Variants in HFM1 observed in about 807,000 individuals in gnomAD.
HFM1 encodes probable ATP-dependent DNA helicase HFM1.
A neutral mutation model predicts 192.1 loss-of-function variants in HFM1; 169 were observed. That is an observed-to-expected ratio of 0.88 (90% CI 0.78 to 1.00). HFM1 has a LOEUF of 1.00. Among genes scored for constraint, HFM1 ranks in the 50% least tolerant of loss-of-function variants. The probability of loss-of-function intolerance (pLI) is 0.00; values close to 1 mark genes in which losing one functional copy is unlikely to be tolerated. For missense variants in HFM1, 1,661 were observed against 1,668.0 expected (o/e 1.00, Z 0.07); for synonymous variants, 525 against 537.8 (o/e 0.98, Z 0.33).
chr1:91,262,488 G>T lies in HFM1; in HGVS notation c.4079C>A (p.Ala1360Glu), dbSNP rs201393479. ...AGAAGTGCTTCTTCTTACAATAACT[G>T]CATTTCCGGCTTGTTGAGGTAATTT... ...MTKLPQQAGN[A>E]VIVHFQERKP... Residue 1360 changes from alanine (A) to glutamate (E), a missense_variant, in exon 37 of 39, where the codon GCA (alanine) becomes GAA (glutamate). Coordinates refer to ENST00000370425, the MANE Select transcript of HFM1 (RefSeq NM_001017975.6). The T allele has an allele frequency of 1.9e-5, 30 of 1,591,666 alleles. No individual in the cohort carries two copies. The highest frequency in any genetic ancestry group is 2.5e-5 in the Non-Finnish European group (29 of 1,162,186).
At chr1:91,309,881 G>A (rs917868176) in intron 30 of HFM1, among the ~76,000 whole-genome samples, 18 of 151,650 alleles carry the variant, frequency 1.2e-4, no homozygotes, top group Non-Finnish European at 1.5e-5. Flanking sequence ...TCACTCAATG[G>A]CAACGAGCTC....
intron 23 of HFM1, among the ~76,000 whole-genome samples, chr1:91,322,610 T>C (rs114651256): frequency 0.018 from 2,678 of 152,270 alleles, 37 homozygotes; most frequent in Non-Finnish European, 0.029. Context: ...GCCACTACCA[T>C]TCAGTAGACA....
intron 33 of HFM1, among the ~76,000 whole-genome samples, chr1:91,274,194 A>G (rs1666587770): frequency 1.3e-5 from 2 of 152,028 alleles, no homozygotes; most frequent in Admixed American, 1.3e-4. Flanking sequence ...AAGAACAATG[A>G]GTTACCACCT....
intron 30 of HFM1, among the ~76,000 whole-genome samples, chr1:91,289,469 G>A (rs1557787211): frequency 6.6e-6 from 1 of 152,184 alleles, no homozygotes; most frequent in African/African-American, 2.4e-5. Flanking sequence ...TGGCACCTGG[G>A]CAGAGGCTGC....
chr1:91,316,482 G>A lies in HFM1; in HGVS notation c.2813-6C>T. On this transcript the variant is annotated splice_polypyrimidine_tract_variant and splice_region_variant and intron_variant, in intron 25 of 38. Coordinates refer to ENST00000370425, the MANE Select transcript of HFM1 (RefSeq NM_001017975.6). ...TGCATTTGACAATGTTATACCTGTG[G>A]AAAATTAATCAAACAACAACTTAAA... The A allele has an allele frequency of 7.5e-7, 1 of 1,338,964 alleles. No individual in the cohort carries two copies. The highest frequency in any genetic ancestry group is 1.6e-5 in the South Asian group (1 of 60,674). 82.9% of individuals were successfully genotyped at this position (1,338,964 alleles called of 1,614,324 possible).
At position 91,261,343 on chromosome 1, in the gene HFM1, C is replaced by T; in HGVS notation, c.4255G>A (p.Asp1419Asn). The T allele has an allele frequency of 7.0e-7, 1 of 1,421,862 alleles. No individual in the cohort carries two copies. The highest frequency in any genetic ancestry group is 1.7e-5 in the South Asian group (1 of 60,590). The allele number at this position is 1,421,862 out of a possible 1,614,324, so 88.1% of individuals were successfully genotyped here. Residue 1419 changes from aspartate to asparagine, a missense_variant, in exon 39 of 39, where the codon GAT becomes AAT. Physicochemically the swap from Asp to Asn is conservative, Grantham distance 23 (BLOSUM62 1). Coordinates refer to ENST00000370425, the MANE Select transcript of HFM1 (RefSeq NM_001017975.6). The part of the protein sequence containing the change: ...EVDFSMYHPD[D>N]EADEMKSLLG... ...AAAGACTTCATTTCATCAGCTTCAT[C>T]ATCAGGATGATACATACTGGGAGAA... is the stretch of plus-strand genomic sequence containing the variant.
At chr1:91,324,983 A>C (rs1383404038) in intron 20 of HFM1, among the ~76,000 whole-genome samples, 1 of 152,192 alleles carries the variant, frequency 6.6e-6, no homozygotes, top group African/African-American at 2.4e-5. Flanking sequence ...TACTGTCACA[A>C]GAATCAAAAA....
At chr1:91,268,040 G>A (rs999842501) in intron 34 of HFM1, among the ~76,000 whole-genome samples, 185 bp from the exon 35 acceptor site, 23 of 151,954 alleles carry the variant, frequency 1.5e-4, no homozygotes, top group African/African-American at 5.3e-4. Context: ...CACAAGCATC[G>A]TAGTCTATTG....
intron 25 of HFM1, among the ~76,000 whole-genome samples, chr1:91,317,980 G>T (rs1350393987): frequency 1.3e-5 from 2 of 152,028 alleles, no homozygotes; most frequent in East Asian, 3.9e-4. Context: ...GAATGCAATG[G>T]ATGCCCATAT....
chr1:91,328,336 G>C, intron 20 of HFM1: 1 of 1,507,310 alleles, frequency 6.6e-7, no homozygotes, highest in Middle Eastern at 2.1e-4. Flanking sequence ...TTTAGCCGCC[G>C]AGGCCTCGTG....
chr1:91,334,046 T>C (rs1029320452), intron 20 of HFM1, among the ~76,000 whole-genome samples: 4 of 152,204 alleles, frequency 2.6e-5, no homozygotes, highest in Admixed American at 2.6e-4. Flanking sequence ...TAATATGCTT[T>C]AGTAGAGAGG....
intron 30 of HFM1, among the ~76,000 whole-genome samples, chr1:91,294,230 T>C (rs1669134187): frequency 6.7e-6 from 1 of 149,588 alleles, no homozygotes; most frequent in Non-Finnish European, 1.5e-5. Flanking sequence ...ATAATCAAAA[T>C]AAAATAATGC....
intron 19 of HFM1, among the ~76,000 whole-genome samples, chr1:91,345,136 T>C (rs1655960385): frequency 6.6e-6 from 1 of 152,198 alleles, no homozygotes; most frequent in Admixed American, 6.5e-5. Flanking sequence ...TTACCTTTTC[T>C]AAAAACAAGG....
chr1:91,388,745 A>C (rs923167362), intron 4 of HFM1, among the ~76,000 whole-genome samples: 2 of 152,222 alleles, frequency 1.3e-5, no homozygotes, highest in Non-Finnish European at 2.9e-5. Context: ...AAGTGACGCC[A>C]AATCAGTATT....
At chr1:91,279,224 G>A (rs1402890752) in intron 30 of HFM1, among the ~76,000 whole-genome samples, 3 of 152,150 alleles carry the variant, frequency 2.0e-5, no homozygotes, top group African/African-American at 7.2e-5. Context: ...CTGTGGCTAT[G>A]GTGCTCTCCT....
chr1:91,261,937 C>G (rs1665199265), intron 38 of HFM1, among the ~76,000 whole-genome samples: 1 of 152,178 alleles, frequency 6.6e-6, no homozygotes, highest in Admixed American at 6.5e-5. Flanking sequence ...ATCTGGATTT[C>G]TCAAGTGACT....
intron 13 of HFM1, among the ~76,000 whole-genome samples, chr1:91,364,628 ATATATTTTT>A (rs1255198044): frequency 5.1e-5 from 3 of 59,324 alleles, no homozygotes; most frequent in South Asian, 1.2e-3. Context: ...ATATATATAT[ATATATTTTT>A]TTTTTTTTTT....
Position 91,394,262 on chromosome 1 carries a change from C to G in HFM1, c.325G>C (p.Val109Leu), listed in dbSNP as rs767828285. Reference sequence around the variant, plus strand: ...ATATGTGATAAGTCATTATTACCTACCCCTTCTAAATTTAGATCATCCTGT... The same window carrying G: ...ATATGTGATAAGTCATTATTACCTAGCCCTTCTAAATTTAGATCATCCTGT... ...YEQDDLNLEG[V>L]GNNDLSHIAG... is the part of the protein sequence containing the mutation. The change falls in exon 4 of 39, where the codon GTA becomes CTA. Residue 109 changes from valine (V) to leucine (L), a missense_variant. Val to Leu is a conservative substitution (Grantham distance 32). Transcript: ENST00000370425. 3.1e-6 allele frequency: 5 copies of G among 1,597,392 alleles called. No individual in the cohort carries two copies. Among genetic ancestry groups the G allele is most frequent in the Non-Finnish European group, 4.3e-6 (5 of 1,164,804 alleles).
chr1:91,328,588 C>T (rs775314364), intron 20 of HFM1: 174 of 1,606,362 alleles, frequency 1.1e-4, no homozygotes, highest in Non-Finnish European at 1.4e-4. Flanking sequence ...CATGTTCTAC[C>T]GCACTATTCG....
Sources: gnomAD v4.1 joint callset for allele counts (sites outside exome capture counted in the v4.1 genomes callset) on GRCh38, gnomAD v4.1.1 for gene constraint, MANE v1.5 for transcripts, NCBI Gene and HGNC (gene_info 2026-07-23, HGNC 2026-07-21) for gene names.